Variants in FSIP1 observed in about 807,000 individuals in gnomAD.
FSIP1 encodes fibrous sheath interacting protein 1, also known as fibrous sheath-interacting protein 1.
A neutral mutation model predicts 60.9 loss-of-function variants in FSIP1; 65 were observed. The observed-to-expected ratio is 1.07, with a 90% CI of 0.87 to 1.31. The LOEUF is 1.31. FSIP1 is among the 40% of genes most tolerant of loss of function. The probability of loss-of-function intolerance (pLI) is 0.00; values close to 1 mark genes in which losing one functional copy is unlikely to be tolerated. For synonymous variants in FSIP1, 209 were observed against 221.2 expected, an observed-to-expected ratio of 0.94 and a Z score of 0.49; for missense variants, 675 against 665.5, an observed-to-expected ratio of 1.01 and a Z score of -0.16.
At chr15:39,770,933 G>T (rs1897864723) in intron 2 of FSIP1, among the ~76,000 whole-genome samples, 1 of 152,216 alleles carries the variant, frequency 6.6e-6, no homozygotes, top group Admixed American at 6.5e-5. Context: ...ACTGGGATGG[G>T]CAGTCAAAGG....
chr15:39,744,604 A>G (rs1215239774), intron 5 of FSIP1, among the ~76,000 whole-genome samples: 3 of 152,108 alleles, frequency 2.0e-5, no homozygotes, highest in African/African-American at 7.2e-5. Flanking sequence ...GCTCTGCCTC[A>G]CTGTACACCT....
rs1555400075 is a variant in FSIP1, at chr15:39,776,216, G to GGGAA, written c.126+179_126+182dup. Among the ~76,000 whole-genome samples the GGGAA allele has an allele frequency of 6.7e-5, 7 of 105,254 alleles. 1 individual carries two copies. Among genetic ancestry groups the GGGAA allele is most frequent in the Admixed American group, 1.2e-4 (1 of 8,538 alleles). The allele number at this position is 105,254 out of a possible 152,430, so 69.1% of individuals were successfully genotyped here. ...GGAGAGAGAGGGAGGGAGGGAGGGAGGGAAGGAATGGAGTAGAGTTTTTTC... is the reference window on the plus strand; with the variant it reads ...GGAGAGAGAGGGAGGGAGGGAGGGAGGGAAGGAAGGAATGGAGTAGAGTTTTTTC... On this transcript the variant is annotated intron_variant, in intron 2 of 11. Coordinates refer to ENST00000350221, the MANE Select transcript of FSIP1 (RefSeq NM_152597.5).
intron 10 of FSIP1, among the ~76,000 whole-genome samples, chr15:39,666,263 T>G (rs1440633012): frequency 6.6e-6 from 1 of 152,198 alleles, no homozygotes; most frequent in Non-Finnish European, 1.5e-5. Context: ...AATGGCATAT[T>G]CAAGACTTGG....
intron 10 of FSIP1, among the ~76,000 whole-genome samples, chr15:39,646,656 A>G (rs1055198699): frequency 4.6e-5 from 7 of 150,764 alleles, no homozygotes; most frequent in African/African-American, 1.7e-4. Context: ...TGATTGCACC[A>G]CTGCATTCCA....
chr15:39,640,129 T>G (rs1303307402), intron 10 of FSIP1, among the ~76,000 whole-genome samples: 1 of 152,134 alleles, frequency 6.6e-6, no homozygotes, highest in East Asian at 1.9e-4. Context: ...TAAAACACGC[T>G]TAGGACCCCA....
At chr15:39,674,214 C>A (rs1893841680) in intron 10 of FSIP1, among the ~76,000 whole-genome samples, 2 of 152,048 alleles carry the variant, frequency 1.3e-5, no homozygotes, top group African/African-American at 4.8e-5. Flanking sequence ...ACCACCACAC[C>A]CAGCTAATTT....
chr15:39,741,397 C>T (rs1041182936), intron 6 of FSIP1, among the ~76,000 whole-genome samples: 1 of 152,168 alleles, frequency 6.6e-6, no homozygotes, highest in African/African-American at 2.4e-5. Flanking sequence ...CAGGGGTAGG[C>T]CCCTGACCCA....
intron 10 of FSIP1, among the ~76,000 whole-genome samples, chr15:39,695,821 CA>C (rs1428872098): frequency 6.6e-6 from 1 of 152,182 alleles, no homozygotes; most frequent in Non-Finnish European, 1.5e-5. Flanking sequence ...TGCTAACATT[CA>C]ATTCAAATAT....
chr15:39,765,869 T>C (rs1324171922), intron 3 of FSIP1, 123 bp from the exon 4 acceptor site: 3 of 537,852 alleles, frequency 5.6e-6, no homozygotes, highest in South Asian at 2.9e-5. Context: ...AACTACTACA[T>C]TGGTACCATG....
In FSIP1 at chr15:39,617,974, G is replaced by C; in HGVS notation, c.1460C>G (p.Ala487Gly). ...TTCTGACATGTTATGTCCAGTCAAG[G>C]CTTTAGTGAGATAGTAGCCTTTAGA... The part of the protein sequence containing the change: ...EASKGYYLTK[A>G]LTGHNMSEAL... Residue 487 changes from alanine (A) to glycine (G), a missense_variant, in exon 11 of 12, where the codon GCC becomes GGC. By Grantham distance (60) the Ala-to-Gly change is moderately conservative. Transcript: ENST00000350221. The C allele has an allele frequency of 6.2e-7, 1 of 1,614,152 alleles. No homozygotes were observed. Among genetic ancestry groups the C allele is most frequent in the African/African-American group, 1.3e-5 (1 of 75,042 alleles).
chr15:39,617,817 A>G lies in FSIP1; in HGVS notation c.1617T>C (p.Asp539=), dbSNP rs1192853293. 2.5e-6 allele frequency: 4 copies of G among 1,614,114 alleles called. No homozygotes were observed. Among genetic ancestry groups the G allele is most frequent in the Admixed American group, 1.7e-5 (1 of 60,024 alleles). Residue 539 remains aspartate, a synonymous_variant, in exon 11 of 12, where the codon GAT becomes GAC. Coordinates refer to ENST00000350221, the MANE Select transcript of FSIP1 (RefSeq NM_152597.5). ...IGRLKRPSFL[D]DPLYGISVSL... is the part of the protein sequence containing the mutation. ...TCACACTGATACCATACAGTGGATCATCTAAGAAGGAGGGCCTTTTCAGTC... is the reference window on the plus strand; with the variant it reads ...TCACACTGATACCATACAGTGGATCGTCTAAGAAGGAGGGCCTTTTCAGTC...
At chr15:39,689,110 G>A (rs115225239) in intron 10 of FSIP1, among the ~76,000 whole-genome samples, 1,816 of 152,174 alleles carry the variant, frequency 0.012, 39 homozygotes, top group African/African-American at 0.041. Context: ...ATGACTCCCA[G>A]AACTCAGGAA....
chr15:39,735,816 CT>C (rs1230077651), intron 8 of FSIP1, among the ~76,000 whole-genome samples: 1 of 151,930 alleles, frequency 6.6e-6, no homozygotes, highest in South Asian at 2.1e-4. Flanking sequence ...TTAAAATTTT[CT>C]TTTTTTATTT....
intron 10 of FSIP1, among the ~76,000 whole-genome samples, chr15:39,631,746 T>C (rs1235752089): frequency 2.0e-5 from 3 of 152,232 alleles, no homozygotes; most frequent in Non-Finnish European, 4.4e-5. Flanking sequence ...TCTTTGATTG[T>C]GGTTAGGTTT....
chr15:39,647,973 T>C (rs937374159), intron 10 of FSIP1, among the ~76,000 whole-genome samples: 1 of 141,268 alleles, frequency 7.1e-6, no homozygotes, highest in African/African-American at 2.7e-5. Flanking sequence ...GAATCTAGTA[T>C]AACATGGACA....
chr15:39,700,527 G>C (rs916135830), intron 10 of FSIP1, among the ~76,000 whole-genome samples: 2 of 152,122 alleles, frequency 1.3e-5, no homozygotes, highest in African/African-American at 4.8e-5. Flanking sequence ...CAACATCATT[G>C]ACCACAATGT....
intron 10 of FSIP1, among the ~76,000 whole-genome samples, chr15:39,694,697 G>A (rs1426989872): frequency 6.6e-6 from 1 of 151,970 alleles, no homozygotes; most frequent in Non-Finnish European, 1.5e-5. Context: ...CTACTCAGGA[G>A]GCCGAGGCAG....
chr15:39,681,896 C>T (rs1257344422), intron 10 of FSIP1, among the ~76,000 whole-genome samples: 2 of 152,148 alleles, frequency 1.3e-5, no homozygotes, highest in African/African-American at 4.8e-5. Flanking sequence ...CTGATTTTGG[C>T]ACCAGGACCT....
At chr15:39,633,271 G>C (rs139818626) in intron 10 of FSIP1, among the ~76,000 whole-genome samples, 13,905 of 151,802 alleles carry the variant, frequency 0.092, 769 homozygotes, top group East Asian at 0.21. Context: ...TGTATTTTTA[G>C]TAGAGACGGG....
Sources: allele counts gnomAD v4.1 joint callset (sites outside exome capture counted in the v4.1 genomes callset), GRCh38; gene constraint gnomAD v4.1.1; transcripts MANE v1.5; gene names NCBI Gene and HGNC (gene_info 2026-07-23, HGNC 2026-07-21).